SRMS: variants seen among roughly 807,000 people sequenced by gnomAD.
SRMS encodes the protein src-related kinase lacking C-terminal regulatory tyrosine and N-terminal myristylation sites, also known as tyrosine-protein kinase Srms.
A neutral mutation model predicts 43.5 loss-of-function variants in SRMS; 42 were observed. That is an observed-to-expected ratio of 0.97 (90% CI 0.75 to 1.25). SRMS has a LOEUF of 1.25. Ranked by LOEUF, SRMS falls within the 50% of genes most tolerant of loss-of-function variation. SRMS has a pLI of 0.00. For missense variants in SRMS, 703 were observed against 681.0 expected (o/e 1.03, Z -0.36); for synonymous variants, 316 against 308.2 (o/e 1.03, Z -0.27).
rs1422847884 is a variant in SRMS, at chr20:63,542,534, G to A, written c.693C>T (p.Ala231=). ...AGCCTTCACCCAGCTTCCTCCCAAG[G>A]GCGAATTCGGAGTGTGGCCGCTCCC... is the stretch of plus-strand genomic sequence containing the variant. The part of the protein sequence containing the change: ...DVWERPHSEF[A]LGRKLGEGYF... Residue 231 remains alanine (A), a synonymous_variant, in exon 4 of 8, where the codon GCC becomes GCT. Coordinates refer to ENST00000217188, the MANE Select transcript of SRMS (RefSeq NM_080823.4). 1 of 1,612,536 alleles carries A rather than the reference G, an allele frequency of 6.2e-7. No homozygotes were observed. Among genetic ancestry groups the A allele is most frequent in the Non-Finnish European group, 8.5e-7 (1 of 1,179,834 alleles).
chr20:63,544,488 CCAG>C, intron 1 of SRMS, 140 bp from the exon 2 acceptor site: 1 of 1,136,664 alleles, frequency 8.8e-7, no homozygotes, highest in Non-Finnish European at 1.2e-6. Flanking sequence ...ACTTTGAGTC[CCAG>C]CTCAAGGTCT....
intron 7 of SRMS, 63 bp from the exon 8 acceptor site, chr20:63,541,062 C>T: frequency 6.3e-7 from 1 of 1,594,440 alleles, no homozygotes; most frequent in Non-Finnish European, 8.5e-7. Flanking sequence ...AGGAGGCCTC[C>T]TGTAGCCCCC....
At chr20:63,546,603 C>T (rs944113705) in intron 1 of SRMS, among the ~76,000 whole-genome samples, 7 of 149,630 alleles carry the variant, frequency 4.7e-5, no homozygotes, top group Non-Finnish European at 8.9e-5. Flanking sequence ...CCCCTGCTCA[C>T]CTGCCCTCAC....
At chr20:63,546,618 A>T (rs1471443715) in intron 1 of SRMS, among the ~76,000 whole-genome samples, 1 of 138,544 alleles carries the variant, frequency 7.2e-6, no homozygotes, top group Non-Finnish European at 1.5e-5. Flanking sequence ...CCTCACCCAG[A>T]GTTCCTGGAG....
chr20:63,544,937 C>T (rs1219994336), intron 1 of SRMS, among the ~76,000 whole-genome samples: 1 of 152,200 alleles, frequency 6.6e-6, no homozygotes, highest in Non-Finnish European at 1.5e-5. Flanking sequence ...TGCGAACGTT[C>T]AAAGCATCCT....
Position 63,542,165 on chromosome 20 carries a change from C to T in SRMS, c.944G>A (p.Gly315Asp), listed in dbSNP as rs745601320. 6.8e-6 allele frequency: 11 copies of T among 1,607,172 alleles called. No individual in the cohort carries two copies. Among genetic ancestry groups the T allele is most frequent in the East Asian group, 2.2e-5 (1 of 44,590 alleles). The change falls in exon 5 of 8, where the codon GGC (glycine) becomes GAC (aspartate). Residue 315 changes from glycine to aspartate, a missense_variant and splice_region_variant. Physicochemically the swap from Gly to Asp is moderately conservative, Grantham distance 94. Coordinates refer to ENST00000217188, the MANE Select transcript of SRMS (RefSeq NM_080823.4). Reference protein sequence around the residue: ...MRKGNLQAFLGTPEGRALRLP... With the variant: ...MRKGNLQAFLDTPEGRALRLP... Reference sequence around the variant, plus strand: ...GTGGCAGCAGGGAGGGGACTCACTGCCCAGGAAGGCCTGCAGGTTCCCCTT... The same window carrying T: ...GTGGCAGCAGGGAGGGGACTCACTGTCCAGGAAGGCCTGCAGGTTCCCCTT...
At position 63,547,204 on chromosome 20, in the gene SRMS, T is replaced by C; in HGVS notation, c.260A>G (p.Tyr87Cys). ...RLCALEEGGG[Y>C]IFARRLSGQP... ...GCCCGAAAGCCTGCGTGCGAAGATGTAGCCGCCCCCCTCTTCGAGGGCACA... is the reference window on the plus strand; with the variant it reads ...GCCCGAAAGCCTGCGTGCGAAGATGCAGCCGCCCCCCTCTTCGAGGGCACA... The change falls in exon 1 of 8, where the codon TAC becomes TGC. Residue 87 changes from tyrosine (Y) to cysteine (C), a missense_variant. Tyr to Cys is a radical substitution (Grantham distance 194). Coordinates refer to ENST00000217188, the MANE Select transcript of SRMS (RefSeq NM_080823.4). The C allele has an allele frequency of 2.5e-6, 4 of 1,612,154 alleles. No homozygotes were observed. Among genetic ancestry groups the C allele is most frequent in the Non-Finnish European group, 3.4e-6 (4 of 1,179,652 alleles).
At chr20:63,545,141 G>A (rs2082724590) in intron 1 of SRMS, among the ~76,000 whole-genome samples, 1 of 152,170 alleles carries the variant, frequency 6.6e-6, no homozygotes, top group Non-Finnish European at 1.5e-5. Flanking sequence ...GGTGTCGGGA[G>A]AGGGGCCGGC....
Position 63,547,280 on chromosome 20 carries a change from A to C in SRMS, c.184T>G (p.Phe62Val), listed in dbSNP as rs1234434186. The part of the protein sequence containing the change: ...FPQLFLALYD[F>V]TARCGGELSV... The stretch of plus-strand genomic sequence containing the variant: ...AGCTCCCCGCCACACCGCGCCGTGA[A>C]GTCATAGAGCGCAAGGAAGAGCTGA... Residue 62 changes from phenylalanine to valine, a missense_variant, in exon 1 of 8, where the codon TTC (phenylalanine) becomes GTC (valine). By Grantham distance (50) the Phe-to-Val change is conservative (BLOSUM62 -1). Coordinates refer to ENST00000217188, the MANE Select transcript of SRMS (RefSeq NM_080823.4). 6.2e-7 allele frequency: 1 copy of C among 1,609,150 alleles called. No homozygotes were observed. Among genetic ancestry groups the C allele is most frequent in the East Asian group, 2.2e-5 (1 of 44,702 alleles).
At chr20:63,541,789 G>A (rs1456262683) in intron 5 of SRMS, among the ~76,000 whole-genome samples, 169 bp from the exon 6 acceptor site, 6 of 152,242 alleles carry the variant, frequency 3.9e-5, no homozygotes, top group African/African-American at 1.4e-4. Flanking sequence ...CAGGGCGAGG[G>A]TCCTGTACTC....
In SRMS at chr20:63,547,329, G is replaced by A. The variant is rs765659675; in HGVS notation, c.135C>T (p.Pro45=). 9.5e-5 allele frequency: 151 copies of A among 1,592,910 alleles called. No homozygotes were observed. Among genetic ancestry groups the A allele is most frequent in the Non-Finnish European group, 8.7e-5 (101 of 1,167,542 alleles). ...DPNTDPVPTL[P]AEPCSPFPQL... is the part of the protein sequence containing the mutation. ...GAGGGAAGGGGCTGCAAGGCTCGGCGGGGAGCGTGGGCACTGGGTCAGTGT... is the reference window on the plus strand; with the variant it reads ...GAGGGAAGGGGCTGCAAGGCTCGGCAGGGAGCGTGGGCACTGGGTCAGTGT... The change falls in exon 1 of 8, where the codon CCC becomes CCT. Residue 45 remains proline, a synonymous_variant. Coordinates refer to ENST00000217188, the MANE Select transcript of SRMS (RefSeq NM_080823.4).
chr20:63,538,650 G>A lies in SRMS; in HGVS notation c.*2168C>T, dbSNP rs904338526. On this transcript the variant is annotated 3_prime_UTR_variant, in exon 8 of 8. Transcript: ENST00000217188. ...AGGTGGGGAGGGGCAGCGGGGTGCC[G>A]GCCTGGGCAGTGTCCCTCAGGCCCT... 3.8e-4 allele frequency among the ~76,000 whole-genome samples: 57 copies of A among 150,076 alleles called. No homozygotes were observed. The highest frequency in any genetic ancestry group is 5.2e-4 in the Non-Finnish European group (35 of 67,292).
At chr20:63,545,285 A>C (rs1191192941) in intron 1 of SRMS, among the ~76,000 whole-genome samples, 1 of 152,160 alleles carries the variant, frequency 6.6e-6, no homozygotes, top group East Asian at 1.9e-4. Context: ...GCTGAAGTCC[A>C]AGGCGGGGAC....
In SRMS at chr20:63,538,858, TCA is replaced by T. The variant is rs537633179; in HGVS notation, c.*1958_*1959del. Among the ~76,000 whole-genome samples, 391 of 152,208 alleles carry T rather than the reference TCA, an allele frequency of 2.6e-3. 5 individuals are homozygous for T. Among genetic ancestry groups the T allele is most frequent in the South Asian group, 0.015 (71 of 4,824 alleles). On this transcript the variant is annotated 3_prime_UTR_variant, in exon 8 of 8. Coordinates refer to ENST00000217188, the MANE Select transcript of SRMS (RefSeq NM_080823.4). ...CCCTGAGTTCGGACGTGCAGGACTT[TCA>T]GTCTAAGCCACACCAGGAGGCAGGA...
Position 63,539,329 on chromosome 20 carries a change from C to T in SRMS, c.*1489G>A, listed in dbSNP as rs1326492454. 6.6e-6 allele frequency among the ~76,000 whole-genome samples: 1 copy of T among 152,242 alleles called. No individual in the cohort carries two copies. The highest frequency in any genetic ancestry group is 2.4e-5 in the African/African-American group (1 of 41,462). On this transcript the variant is annotated 3_prime_UTR_variant, in exon 8 of 8. Coordinates refer to ENST00000217188, the MANE Select transcript of SRMS (RefSeq NM_080823.4). ...TCTCGGAGCCTCCGAGTGGCCTCTT[C>T]CTTCCCCGGGGCCACCTGTCTCTGC...
intron 1 of SRMS, among the ~76,000 whole-genome samples, chr20:63,546,855 C>G (rs1306577863): frequency 6.6e-6 from 1 of 152,354 alleles, no homozygotes; most frequent in African/African-American, 2.4e-5. Context: ...GCAGCTGATG[C>G]TCCCCCCCAC....
rs2082689061 is a variant in SRMS, at chr20:63,539,149, T to C, written c.*1669A>G. On this transcript the variant is annotated 3_prime_UTR_variant, in exon 8 of 8. Coordinates refer to ENST00000217188, the MANE Select transcript of SRMS (RefSeq NM_080823.4). ...CCAGCCCCTCCCCTAGGTTCTCCCA[T>C]GCAGATGGAGCTGGGCAGGTGGCCA... Among the ~76,000 whole-genome samples, 1 of 152,176 alleles carries C rather than the reference T, an allele frequency of 6.6e-6. No individual in the cohort carries two copies. The highest frequency in any genetic ancestry group is 1.5e-5 in the Non-Finnish European group (1 of 68,002).
chr20:63,546,488 C>CTGCCTTCACG, intron 1 of SRMS, among the ~76,000 whole-genome samples: 1 of 151,912 alleles, frequency 6.6e-6, no homozygotes, highest in African/African-American at 2.4e-5. Context: ...CTGCCCTCAC[C>CTGCCTTCACG]CAGAGCTCCT....
In SRMS at chr20:63,542,235, A is replaced by G. The variant is rs1246533694; in HGVS notation, c.874T>C (p.Cys292Arg). Reference sequence around the variant, plus strand: ...ATGTACACAGGCTCCCCGCCCGAGCACACTGCGTGCAGCCGGATGAGCCGC... The same window carrying G: ...ATGTACACAGGCTCCCCGCCCGAGCGCACTGCGTGCAGCCGGATGAGCCGC... ...HERLIRLHAV[C>R]SGGEPVYIVT... The change falls in exon 5 of 8, where the codon TGC becomes CGC. Residue 292 changes from cysteine to arginine, a missense_variant. Cys to Arg is a radical substitution (Grantham distance 180). Coordinates refer to ENST00000217188, the MANE Select transcript of SRMS (RefSeq NM_080823.4). 8 of 1,612,640 alleles carry G rather than the reference A, an allele frequency of 5.0e-6. No homozygotes were observed. Among genetic ancestry groups the G allele is most frequent in the African/African-American group, 2.7e-5 (2 of 74,948 alleles).
Sources: gnomAD v4.1 joint callset for allele counts (sites outside exome capture counted in the v4.1 genomes callset) on GRCh38, gnomAD v4.1.1 for gene constraint, MANE v1.5 for transcripts, NCBI Gene and HGNC (gene_info 2026-07-23, HGNC 2026-07-21) for gene names.